The following KBTBD12 variants were observed in gnomAD, a reference collection of about 807,000 sequenced individuals.
The protein encoded by KBTBD12 is kelch repeat and BTB domain containing 12.
KBTBD12 carries 53 observed loss-of-function variants against 58.7 expected under a neutral mutation model. The observed-to-expected ratio is 0.90, with a 90% CI of 0.72 to 1.14. The LOEUF (loss-of-function observed/expected upper bound fraction) is 1.14, where lower values mean the gene tolerates loss of function less well. Ranked by LOEUF, KBTBD12 falls within the 50% of genes most tolerant of loss-of-function variation. The pLI is 0.00. For missense variants in KBTBD12, 704 were observed against 751.3 expected (o/e 0.94, Z 0.74); for synonymous variants, 236 against 259.8 (o/e 0.91, Z 0.88).
At chr3:127,960,310 G>T (rs927796301) in intron 4 of KBTBD12, among the ~76,000 whole-genome samples, 6 of 152,100 alleles carry the variant, frequency 3.9e-5, no homozygotes, top group Admixed American at 2.6e-4. Flanking sequence ...GGCAGGCATT[G>T]TCCTCTTCTA....
At chr3:127,936,418 T>A (rs77811266) in intron 4 of KBTBD12, among the ~76,000 whole-genome samples, 2,233 of 151,126 alleles carry the variant, frequency 0.015, 30 homozygotes, top group Middle Eastern at 0.061. Flanking sequence ...CAATCATCAA[T>A]GGAGATTTAT....
At chr3:127,936,063 A>C (rs568014013) in intron 4 of KBTBD12, among the ~76,000 whole-genome samples, 1 of 152,122 alleles carries the variant, frequency 6.6e-6, no homozygotes, top group African/African-American at 2.4e-5. Context: ...CCTAAAATAC[A>C]TGAAGCAAAA....
Position 127,927,909 on chromosome 3 carries a change from G to A in KBTBD12, c.1216G>A (p.Val406Ile), listed in dbSNP as rs1305225214. The change falls in exon 3 of 6, where the codon GTT becomes ATT. Residue 406 changes from valine (V) to isoleucine (I), a missense_variant. By Grantham distance (29) the Val-to-Ile change is conservative (BLOSUM62 3). Coordinates refer to ENST00000405109, the MANE Select transcript of KBTBD12 (RefSeq NM_207335.4). ...AAACCAGTATCTTATTACAAACTGTGTTGATAAGTACTCTGTAGAACGGGA... is the reference window on the plus strand; with the variant it reads ...AAACCAGTATCTTATTACAAACTGTATTGATAAGTACTCTGTAGAACGGGA... The part of the protein sequence containing the change: ...IKNQYLITNC[V>I]DKYSVERDNW... 1.9e-6 allele frequency: 3 copies of A among 1,613,426 alleles called. No individual in the cohort carries two copies. The highest frequency in any genetic ancestry group is 2.7e-5 in the African/African-American group (2 of 74,880).
chr3:127,974,414 G>A (rs191356274), intron 5 of KBTBD12, among the ~76,000 whole-genome samples: 16 of 152,232 alleles, frequency 1.1e-4, no homozygotes, highest in African/African-American at 1.4e-4. Flanking sequence ...ATCCTGTACC[G>A]TCACTCCAGC....
intron 4 of KBTBD12, among the ~76,000 whole-genome samples, chr3:127,932,278 T>A (rs1299497961): frequency 6.6e-6 from 1 of 152,174 alleles, no homozygotes; most frequent in African/African-American, 2.4e-5. Flanking sequence ...TTATAAACTT[T>A]GAAATAGAAT....
chr3:127,928,373 C>G (rs1939626639), intron 3 of KBTBD12, among the ~76,000 whole-genome samples: 1 of 152,162 alleles, frequency 6.6e-6, no homozygotes, highest in Non-Finnish European at 1.5e-5. Flanking sequence ...TCATCCAGTT[C>G]TGTGTGTCTA....
chr3:127,952,472 C>G (rs1290384085), intron 4 of KBTBD12, among the ~76,000 whole-genome samples: 2 of 152,080 alleles, frequency 1.3e-5, no homozygotes, highest in Admixed American at 1.3e-4. Context: ...TCTTGTTGCT[C>G]TCTCCCTGTT....
At chr3:127,969,423 C>T (rs1940643908) in intron 5 of KBTBD12, among the ~76,000 whole-genome samples, 1 of 152,014 alleles carries the variant, frequency 6.6e-6, no homozygotes, top group Non-Finnish European at 1.5e-5. Flanking sequence ...AATTAAAATT[C>T]TATATAAATG....
intron 5 of KBTBD12, among the ~76,000 whole-genome samples, chr3:127,980,337 T>A (rs1004574181): frequency 2.0e-5 from 3 of 152,186 alleles, no homozygotes; most frequent in Non-Finnish European, 2.9e-5. Context: ...TTTTTTATTT[T>A]TTATTTTTTT....
chr3:127,986,638 A>ACCAC lies in KBTBD12; in HGVS notation c.*2362_*2365dup, dbSNP rs1161518623. 1.3e-5 allele frequency: 2 copies of ACCAC among 152,058 alleles called. No individual in the cohort carries two copies. The highest frequency in any genetic ancestry group is 4.8e-5 in the African/African-American group (2 of 41,328). The allele number at this position is 152,058 out of a possible 1,614,324, so 9.4% of individuals were successfully genotyped here. On this transcript the variant is annotated 3_prime_UTR_variant, in exon 6 of 6. Coordinates refer to ENST00000405109, the MANE Select transcript of KBTBD12 (RefSeq NM_207335.4). ...CAAGTAGCTGGGATTACAGGCGCCCACCACCACACCCAGCTAATTTTTGTA... is the reference window on the plus strand; with the variant it reads ...CAAGTAGCTGGGATTACAGGCGCCCACCACCCACCACACCCAGCTAATTTTTGTA...
intron 5 of KBTBD12, among the ~76,000 whole-genome samples, chr3:127,972,997 C>T (rs749919572): frequency 2.6e-5 from 4 of 152,144 alleles, no homozygotes; most frequent in Non-Finnish European, 5.9e-5. Flanking sequence ...AGACATATTA[C>T]CTGATAAATC....
intron 1 of KBTBD12, among the ~76,000 whole-genome samples, chr3:127,917,854 A>G (rs1939292652): frequency 6.6e-6 from 1 of 152,242 alleles, no homozygotes; most frequent in Non-Finnish European, 1.5e-5. Flanking sequence ...TAAACAAAGC[A>G]TTAATTTAAT....
chr3:127,923,932 C>G lies in KBTBD12; in HGVS notation c.871C>G (p.His291Asp). The change falls in exon 2 of 6, where the codon CAT (histidine) becomes GAT (aspartate). Residue 291 changes from histidine to aspartate, a missense_variant. His to Asp is a moderately conservative substitution (Grantham distance 81). Transcript: ENST00000405109. ...CAATTCTTCAGGAATCAGATCAAGA[C>G]ATAGGAGCTATGGGGATGCCAGTTT... ...GNNSSGIRSR[H>D]RSYGDASFCY... The G allele has an allele frequency of 6.2e-7, 1 of 1,613,902 alleles. No homozygotes were observed. The highest frequency in any genetic ancestry group is 8.5e-7 in the Non-Finnish European group (1 of 1,179,824).
rs1017206776 is a variant in KBTBD12 at position 127,915,592 on chromosome 3, T to C, written c.-113+6T>C. The C allele has an allele frequency of 1.3e-5, 2 of 152,238 alleles. No homozygotes were observed. Among genetic ancestry groups the C allele is most frequent in the African/African-American group, 2.4e-5 (1 of 41,446 alleles). 9.4% of individuals were successfully genotyped at this position (152,238 alleles called of 1,614,324 possible). ...CCGAACCAGGCAGCACCTTCGTAAG[T>C]AGGGGTAGCGCCCCGGGGGAACGCG... On this transcript the variant is annotated splice_donor_region_variant and intron_variant, in intron 1 of 5. Coordinates refer to ENST00000405109, the MANE Select transcript of KBTBD12 (RefSeq NM_207335.4).
rs374835507 is a variant in KBTBD12 at position 127,985,385 on chromosome 3, A to C, written c.*1107A>C. 6.6e-6 allele frequency: 1 copy of C among 152,246 alleles called. No homozygotes were observed. The allele number at this position is 152,246 out of a possible 1,614,324, so 9.4% of individuals were successfully genotyped here. On this transcript the variant is annotated 3_prime_UTR_variant, in exon 6 of 6. Coordinates refer to ENST00000405109, the MANE Select transcript of KBTBD12 (RefSeq NM_207335.4). The stretch of plus-strand genomic sequence containing the variant: ...GTTAGAAATAACATTTAAATGACAC[A>C]TGGGAAGTCCGTCTATCTTACTTCC...
chr3:127,948,704 G>T (rs1474582522), intron 4 of KBTBD12, among the ~76,000 whole-genome samples: 1 of 152,136 alleles, frequency 6.6e-6, no homozygotes. Context: ...TCTGGGCTAG[G>T]CTCCTGAGCC....
intron 4 of KBTBD12, among the ~76,000 whole-genome samples, chr3:127,938,989 G>A (rs761971567): frequency 3.9e-5 from 6 of 152,112 alleles, no homozygotes; most frequent in African/African-American, 1.4e-4. Context: ...TGAAGTCAAC[G>A]CAACTAGAAA....
intron 4 of KBTBD12, among the ~76,000 whole-genome samples, chr3:127,941,189 G>A (rs1939942546): frequency 6.6e-6 from 1 of 152,128 alleles, no homozygotes; most frequent in Non-Finnish European, 1.5e-5. Context: ...TTATAGGTCA[G>A]CATTACCTAA....
chr3:127,946,968 C>T (rs771171083), intron 4 of KBTBD12, among the ~76,000 whole-genome samples: 1 of 152,164 alleles, frequency 6.6e-6, no homozygotes, highest in East Asian at 1.9e-4. Context: ...GAATGTCCAC[C>T]TTATTCTCTT....
Sources: gnomAD v4.1 joint callset for allele counts (sites outside exome capture counted in the v4.1 genomes callset) on GRCh38, gnomAD v4.1.1 for gene constraint, MANE v1.5 for transcripts, NCBI Gene and HGNC (gene_info 2026-07-23, HGNC 2026-07-21) for gene names.